SMOC1: variants seen among roughly 807,000 people sequenced by gnomAD.
SMOC1 encodes SPARC-related modular calcium-binding protein 1.
SMOC1 carries 22 observed loss-of-function variants against 56.3 expected under a neutral mutation model. The ratio of observed to expected loss-of-function variants is 0.39; its 90% CI spans 0.28 to 0.56. SMOC1 has a LOEUF of 0.56. Among genes scored for constraint, SMOC1 ranks in the 20% least tolerant of loss-of-function variants. SMOC1 has a pLI of 0.61. For missense variants in SMOC1, 509 were observed against 565.4 expected, an observed-to-expected ratio of 0.90 and a Z score of 1.01; for synonymous variants, 193 against 215.0, an observed-to-expected ratio of 0.90 and a Z score of 0.89.
At chr14:69,963,098 C>G (rs1370850988) in intron 3 of SMOC1, among the ~76,000 whole-genome samples, 2 of 152,172 alleles carry the variant, frequency 1.3e-5, no homozygotes, top group Admixed American at 6.5e-5. Context: ...CAGTGCCACA[C>G]TCTACTGATT....
chr14:69,908,793 G>A (rs540745900), intron 1 of SMOC1, among the ~76,000 whole-genome samples: 1 of 152,288 alleles, frequency 6.6e-6, no homozygotes, highest in Admixed American at 6.5e-5. Context: ...AGGACTTGGG[G>A]CAGGCTGGGC....
At chr14:69,956,165 A>C (rs1444252920) in intron 3 of SMOC1, among the ~76,000 whole-genome samples, 4 of 152,204 alleles carry the variant, frequency 2.6e-5, no homozygotes. Flanking sequence ...AGAGTTATGT[A>C]GATAGTCAAG....
intron 11 of SMOC1, among the ~76,000 whole-genome samples, chr14:70,025,283 T>A (rs1267834233): frequency 6.6e-6 from 1 of 152,110 alleles, no homozygotes. Context: ...CAGAAGAAGA[T>A]AAAAAGGCCT....
chr14:69,936,423 A>G (rs1430904292), intron 1 of SMOC1, among the ~76,000 whole-genome samples: 1 of 152,256 alleles, frequency 6.6e-6, no homozygotes, highest in Non-Finnish European at 1.5e-5. Flanking sequence ...TGCTAATGAC[A>G]CTGTTGAGAA....
At position 70,032,151 on chromosome 14, in the gene SMOC1, G is replaced by A. The variant is rs1170169842; in HGVS notation, c.*1893G>A. 1 of 152,308 alleles carries A rather than the reference G, an allele frequency of 6.6e-6. No homozygotes were observed. The highest frequency in any genetic ancestry group is 1.5e-5 in the Non-Finnish European group (1 of 68,066). The allele number at this position is 152,308 out of a possible 1,614,324, so 9.4% of individuals were successfully genotyped here. ...AACGTGCCGGAGCTGAGTGGGCCTT[G>A]CACGAGACACTGGCCCCACTTTCAG... On this transcript the variant is annotated 3_prime_UTR_variant, in exon 12 of 12. Transcript: ENST00000361956.
At chr14:69,881,319 T>TCTGGATGGCAGACCAGAGCACCCC (rs1432991988) in intron 1 of SMOC1, among the ~76,000 whole-genome samples, 1 of 152,128 alleles carries the variant, frequency 6.6e-6, no homozygotes, top group African/African-American at 2.4e-5. Flanking sequence ...GCACCCCGAC[T>TCTGGATGGCAGACCAGAGCACCCC]GAAATCTGGA....
At chr14:70,013,628 G>A (rs1885411863) in intron 10 of SMOC1, 137 bp downstream of exon 10, 1 of 773,394 alleles carries the variant, frequency 1.3e-6, no homozygotes, top group African/African-American at 1.7e-5. Context: ...CTGAAACCAT[G>A]TACCCATAGC....
At chr14:70,002,088 C>A (rs531063839) in intron 7 of SMOC1, among the ~76,000 whole-genome samples, 1 of 152,314 alleles carries the variant, frequency 6.6e-6, no homozygotes, top group South Asian at 2.1e-4. Context: ...TTCTCTCTGG[C>A]AGTTGAGCTT....
chr14:69,950,373 G>T (rs1882948629), intron 1 of SMOC1, among the ~76,000 whole-genome samples: 1 of 152,164 alleles, frequency 6.6e-6, no homozygotes, highest in Non-Finnish European at 1.5e-5. Context: ...GAAGGGTGTG[G>T]TACTACCTCT....
At chr14:70,010,731 A>G (rs1594853946) in intron 7 of SMOC1, 23 bp from the exon 8 acceptor site, 3 of 1,613,418 alleles carry the variant, frequency 1.9e-6, no homozygotes, top group Admixed American at 3.3e-5. Context: ...GATAGTCACC[A>G]CAGGCTGTGT....
At chr14:69,892,580 G>A (rs529472547) in intron 1 of SMOC1, among the ~76,000 whole-genome samples, 6 of 152,188 alleles carry the variant, frequency 3.9e-5, no homozygotes, top group Non-Finnish European at 8.8e-5. Context: ...CTAGTACAAT[G>A]GATTGCCATG....
At chr14:69,889,079 A>G (rs1158607514) in intron 1 of SMOC1, among the ~76,000 whole-genome samples, 2 of 152,220 alleles carry the variant, frequency 1.3e-5, no homozygotes, top group Non-Finnish European at 2.9e-5. Context: ...TAGTACACTG[A>G]GGACCTGAAT....
At chr14:69,918,109 C>G (rs1440669888) in intron 1 of SMOC1, among the ~76,000 whole-genome samples, 1 of 152,144 alleles carries the variant, frequency 6.6e-6, no homozygotes. Flanking sequence ...ATGCTATCAT[C>G]TTTTTATGGT....
chr14:69,977,762 A>AT (rs1292899640), intron 4 of SMOC1, among the ~76,000 whole-genome samples, 156 bp from the exon 5 acceptor site: 1 of 152,234 alleles, frequency 6.6e-6, no homozygotes, highest in Non-Finnish European at 1.5e-5. Flanking sequence ...CAACATGTGT[A>AT]TATGTACTAA....
intron 10 of SMOC1, among the ~76,000 whole-genome samples, chr14:70,015,143 A>T (rs1293844605): frequency 3.9e-5 from 6 of 152,302 alleles, no homozygotes; most frequent in Admixed American, 1.3e-4. Flanking sequence ...AAGAGAGAGA[A>T]ATCCTGTTAT....
chr14:69,986,412 G>T (rs1884367240), intron 5 of SMOC1, among the ~76,000 whole-genome samples: 1 of 152,156 alleles, frequency 6.6e-6, no homozygotes, highest in South Asian at 2.1e-4. Flanking sequence ...AAAACTGGTA[G>T]AATCTGAATA....
At chr14:70,013,569 A>G in intron 10 of SMOC1, 78 bp downstream of exon 10, 1 of 1,222,422 alleles carries the variant, frequency 8.2e-7, no homozygotes, top group Non-Finnish European at 1.2e-6. Context: ...GGAGGGTGAG[A>G]GAGTGGGCAG....
At position 69,945,040 on chromosome 14, in the gene SMOC1, AG is replaced by A. The variant is rs528742621; in HGVS notation, c.100-7097del. 2.3e-3 allele frequency among the ~76,000 whole-genome samples: 348 copies of A among 152,356 alleles called. 1 individual carries two copies. The highest frequency in any genetic ancestry group is 3.9e-3 in the Non-Finnish European group (265 of 68,042). The stretch of plus-strand genomic sequence containing the variant: ...TAAGGTATTGTTGGTAGTTGGACAA[AG>A]AATATTTCTTTTCACAGTAAGTGAC... On this transcript the variant is annotated intron_variant, in intron 1 of 11. Coordinates refer to ENST00000361956, the MANE Select transcript of SMOC1 (RefSeq NM_001034852.3).
At position 69,975,747 on chromosome 14, in the gene SMOC1, G is replaced by T; in HGVS notation, c.411G>T (p.Trp137Cys). Residue 137 changes from tryptophan to cysteine, a missense_variant, in exon 4 of 12, where the codon TGG becomes TGT. Physicochemically the swap from Trp to Cys is radical, Grantham distance 215. Around this residue, in one of 3 missense-constraint regions of SMOC1, gnomAD observed 315 missense variants for 333.1 expected, o/e 0.95. Coordinates refer to ENST00000361956, the MANE Select transcript of SMOC1 (RefSeq NM_001034852.3). Reference protein sequence around the residue: ...VQCHTYTGYCWCVTPDGKPIS... With the variant: ...VQCHTYTGYCCCVTPDGKPIS... Reference sequence around the variant, plus strand: ...GCCATACTTACACTGGGTACTGCTGGTGTGTCACCCCGGATGGGAAGCCCA... The same window carrying T: ...GCCATACTTACACTGGGTACTGCTGTTGTGTCACCCCGGATGGGAAGCCCA... The T allele has an allele frequency of 6.2e-7, 1 of 1,613,148 alleles. No individual in the cohort carries two copies. The highest frequency in any genetic ancestry group is 8.5e-7 in the Non-Finnish European group (1 of 1,179,962).
Sources: allele counts gnomAD v4.1 joint callset (sites outside exome capture counted in the v4.1 genomes callset), GRCh38; gene constraint gnomAD v4.1.1; regional missense constraint gnomAD v4.1.1; transcripts MANE v1.5; gene names NCBI Gene and HGNC (gene_info 2026-07-23, HGNC 2026-07-21).